The following GPR20 variants were observed in gnomAD, a reference collection of about 807,000 sequenced individuals.
The protein encoded by GPR20 is G protein-coupled receptor 20.
For missense variants in GPR20, 494 were observed against 527.4 expected (o/e 0.94, Z 0.62); for synonymous variants, 241 against 241.9 (o/e 1.00, Z 0.04).
chr8:141,366,289 G>C (rs890051188), intron 1 of GPR20, among the ~76,000 whole-genome samples: 5 of 152,210 alleles, frequency 3.3e-5, no homozygotes, highest in Admixed American at 2.0e-4. Flanking sequence ...ATGAGTCCTG[G>C]GGGGAGAGGG....
At chr8:141,360,087 G>A (rs924209978) in intron 1 of GPR20, among the ~76,000 whole-genome samples, 3 of 152,140 alleles carry the variant, frequency 2.0e-5, no homozygotes, top group African/African-American at 4.8e-5. Flanking sequence ...CACCAGCAAC[G>A]CTGCGGTGCT....
rs1831759871 is a variant in GPR20, at chr8:141,363,045, G to A, written c.-25+4156C>T. On this transcript the variant is annotated intron_variant, in intron 1 of 1. Coordinates refer to ENST00000377741, the MANE Select transcript of GPR20 (RefSeq NM_005293.3). Reference sequence around the variant, plus strand: ...TGGGATTACAGGCGTGAGCTACTGCGCCCGGCCCCATCACCACTCTTGATA... The same window carrying A: ...TGGGATTACAGGCGTGAGCTACTGCACCCGGCCCCATCACCACTCTTGATA... 1.3e-5 allele frequency among the ~76,000 whole-genome samples: 2 copies of A among 151,880 alleles called. 1 individual carries two copies. The highest frequency in any genetic ancestry group is 4.8e-5 in the African/African-American group (2 of 41,290).
At position 141,357,468 on chromosome 8, in the gene GPR20, G is replaced by A. The variant is rs372250810; in HGVS notation, c.456C>T (p.Ile152=). Residue 152 remains isoleucine, a synonymous_variant, in exon 2 of 2, where the codon ATC becomes ATT. Coordinates refer to ENST00000377741, the MANE Select transcript of GPR20 (RefSeq NM_005293.3). ...AGCGGCGGGAGCCTTCGGGCCGCAC[G>A]ATGGCCAGGTAGCGGTCCACGCAGA... ...TCICVDRYLA[I]VRPEGSRRCR... is the part of the protein sequence containing the mutation. 13 of 1,611,978 alleles carry A rather than the reference G, an allele frequency of 8.1e-6. No individual in the cohort carries two copies. The highest frequency in any genetic ancestry group is 2.2e-5 in the South Asian group (2 of 91,026).
At chr8:141,362,783 T>A (rs929705394) in intron 1 of GPR20, among the ~76,000 whole-genome samples, 17 of 143,932 alleles carry the variant, frequency 1.2e-4, no homozygotes, top group South Asian at 2.1e-4. Flanking sequence ...TTTCTTTCTT[T>A]CTTTTTTTTT....
At chr8:141,359,846 C>T (rs1380000404) in intron 1 of GPR20, among the ~76,000 whole-genome samples, 7 of 152,314 alleles carry the variant, frequency 4.6e-5, no homozygotes, top group South Asian at 2.1e-4. Flanking sequence ...AAGGTCGAGG[C>T]GGCTTTGCAG....
In GPR20 at chr8:141,357,471, G is replaced by A. The variant is rs1831666058; in HGVS notation, c.453C>T (p.Ala151=). The A allele has an allele frequency of 1.2e-6, 2 of 1,612,432 alleles. No individual in the cohort carries two copies. The highest frequency in any genetic ancestry group is 1.7e-6 in the Non-Finnish European group (2 of 1,179,706). The change falls in exon 2 of 2, where the codon GCC becomes GCT. Residue 151 remains alanine (A), a synonymous_variant. Coordinates refer to ENST00000377741, the MANE Select transcript of GPR20 (RefSeq NM_005293.3). ...GGCGGGAGCCTTCGGGCCGCACGATGGCCAGGTAGCGGTCCACGCAGATGC... is the reference window on the plus strand; with the variant it reads ...GGCGGGAGCCTTCGGGCCGCACGATAGCCAGGTAGCGGTCCACGCAGATGC... ...LTCICVDRYL[A]IVRPEGSRRC... is the part of the protein sequence containing the mutation.
chr8:141,366,147 C>T (rs1009112173), intron 1 of GPR20, among the ~76,000 whole-genome samples: 1 of 152,256 alleles, frequency 6.6e-6, no homozygotes, highest in Non-Finnish European at 1.5e-5. Flanking sequence ...ATGGTCCAAA[C>T]TGCATGGCCC....
At position 141,358,062 on chromosome 8, in the gene GPR20, A is replaced by G. The variant is rs1370296122; in HGVS notation, c.-24-115T>C. The G allele has an allele frequency of 5.0e-6, 3 of 603,530 alleles. No homozygotes were observed. The East Asian group carries it at 8.3e-5, about 17-fold the overall frequency. 37.4% of individuals were successfully genotyped at this position (603,530 alleles called of 1,614,324 possible). On this transcript the variant is annotated intron_variant, in intron 1 of 1. Transcript: ENST00000377741. ...TGCACGCCCAGCATCCCCCTTCTCC[A>G]TGCCCTCGCCTGGCTGGGGCCTCAA...
chr8:141,363,074 A>G lies in GPR20; in HGVS notation c.-25+4127T>C, dbSNP rs1176048585. On this transcript the variant is annotated intron_variant, in intron 1 of 1. Coordinates refer to ENST00000377741, the MANE Select transcript of GPR20 (RefSeq NM_005293.3). ...GGCCCCATCACCACTCTTGATAGCA[A>G]TGGTCTTTGGTTTGCAGGCCAGCTC... 3.3e-5 allele frequency among the ~76,000 whole-genome samples: 5 copies of G among 152,254 alleles called. No individual in the cohort carries two copies. In the East Asian group the frequency reaches 7.7e-4, roughly 23 times the overall value.
At chr8:141,364,053 T>C (rs1831778781) in intron 1 of GPR20, among the ~76,000 whole-genome samples, 3 of 152,226 alleles carry the variant, frequency 2.0e-5, no homozygotes, top group Admixed American at 2.0e-4. Flanking sequence ...TCCTCACGGT[T>C]ACCCAGCATG....
In GPR20 at chr8:141,358,878, C is replaced by G. The variant is rs190385560; in HGVS notation, c.-24-931G>C. ...GCCAGAGTGTGAGTCAAATAAACAC[C>G]GAGCTCCCGTCTGGCCTGGGCAGGG... On this transcript the variant is annotated intron_variant, in intron 1 of 1. Transcript: ENST00000377741. Among the ~76,000 whole-genome samples the G allele has an allele frequency of 3.7e-3, 560 of 152,146 alleles. 8 individuals are homozygous for G. The highest frequency in any genetic ancestry group is 0.012 in the African/African-American group (487 of 41,492).
At position 141,357,864 on chromosome 8, in the gene GPR20, CACTGCGGTGGCATTGGGG is replaced by C; in HGVS notation, c.42_59del (p.Pro15_Val20del). The C allele has an allele frequency of 1.2e-6, 2 of 1,610,170 alleles. No homozygotes were observed. The highest frequency in any genetic ancestry group is 1.7e-6 in the Non-Finnish European group (2 of 1,178,120). ...CGCTGGCATTGGTCCGCACTGTTGT[CACTGCGGTGGCATTGGGG>C]ACTGCCCCGGCCGAGGGCCCCGCTG... On this transcript the variant is annotated inframe_deletion, in exon 2 of 2. Transcript: ENST00000377741.
Position 141,357,644 on chromosome 8 carries a change from T to C in GPR20, c.280A>G (p.Asn94Asp), listed in dbSNP as rs1393637456. 1 of 1,613,808 alleles carries C rather than the reference T, an allele frequency of 6.2e-7. No individual in the cohort carries two copies. Among genetic ancestry groups the C allele is most frequent in the African/African-American group, 1.3e-5 (1 of 74,920 alleles). The change falls in exon 2 of 2, where the codon AAC (asparagine) becomes GAC (aspartate). Residue 94 changes from asparagine (N) to aspartate (D), a missense_variant. By Grantham distance (23) the Asn-to-Asp change is conservative (BLOSUM62 1). Transcript: ENST00000377741. The part of the protein sequence containing the change: ...AKTPSVIYTI[N>D]LVVTDLLVGL... ...ACCAGTAGATCGGTCACCACCAGGT[T>C]GATGGTGTAGATGACTGAGGGTGTC...
At chr8:141,365,765 C>T (rs1831805647) in intron 1 of GPR20, among the ~76,000 whole-genome samples, 1 of 152,022 alleles carries the variant, frequency 6.6e-6, no homozygotes, top group Admixed American at 6.5e-5. Context: ...GGCTTTGGGA[C>T]GTATGGTGAG....
chr8:141,362,230 T>A (rs1831744853), intron 1 of GPR20, among the ~76,000 whole-genome samples: 1 of 152,186 alleles, frequency 6.6e-6, no homozygotes, highest in African/African-American at 2.4e-5. Context: ...TTTTAGGACT[T>A]CCCCCTGGAC....
At chr8:141,362,494 G>A (rs1167565486) in intron 1 of GPR20, among the ~76,000 whole-genome samples, 3 of 152,150 alleles carry the variant, frequency 2.0e-5, no homozygotes, top group Non-Finnish European at 2.9e-5. Flanking sequence ...CTGAATGAAC[G>A]CCCTGAGCAA....
chr8:141,356,782 G>T lies in GPR20; in HGVS notation c.*65C>A. The T allele has an allele frequency of 8.6e-7, 1 of 1,164,738 alleles. No individual in the cohort carries two copies. The highest frequency in any genetic ancestry group is 1.2e-6 in the Non-Finnish European group (1 of 819,838). 72.2% of individuals were successfully genotyped at this position (1,164,738 alleles called of 1,614,324 possible). ...GGAACCGATTGCCACCCCTGGCATG[G>T]TGGGTGTCCACGCTGGCATGCCCAG... On this transcript the variant is annotated 3_prime_UTR_variant, in exon 2 of 2. Coordinates refer to ENST00000377741, the MANE Select transcript of GPR20 (RefSeq NM_005293.3).
rs372583253 is a variant in GPR20, at chr8:141,357,129, C to T, written c.795G>A (p.Ala265=). 2.5e-4 allele frequency: 409 copies of T among 1,611,172 alleles called. 4 individuals are homozygous for T. The South Asian group carries it at 2.7e-3, about 11-fold the overall frequency. Residue 265 remains alanine (A), a synonymous_variant, in exon 2 of 2, where the codon GCG becomes GCA. Coordinates refer to ENST00000377741, the MANE Select transcript of GPR20 (RefSeq NM_005293.3). ...TPFHARQVAV[A]LWPDMPHHTS... ...TGTGGTGTGGCATGTCGGGCCACAG[C>T]GCCACGGCCACTTGGCGGGCGTGGA...
chr8:141,360,984 A>G (rs1314625396), intron 1 of GPR20, among the ~76,000 whole-genome samples: 1 of 152,146 alleles, frequency 6.6e-6, no homozygotes, highest in Non-Finnish European at 1.5e-5. Flanking sequence ...CCCCAAGCCT[A>G]GTTTCCCTAA....
Sources: allele counts gnomAD v4.1 joint callset (sites outside exome capture counted in the v4.1 genomes callset), GRCh38; gene constraint gnomAD v4.1.1; transcripts MANE v1.5; gene names NCBI Gene and HGNC (gene_info 2026-07-23, HGNC 2026-07-21).